The following TSPAN7 variants were observed in gnomAD, a reference collection of about 807,000 sequenced individuals.
The protein encoded by TSPAN7 is tetraspanin 7, also known as tetraspanin-7.
Under a neutral mutation model 17.6 loss-of-function variants are expected in TSPAN7, and 1 was observed. That is an observed-to-expected ratio of 0.06 (90% CI 0.02 to 0.27). TSPAN7 has a LOEUF of 0.27. TSPAN7 is among the 10% of genes least tolerant of loss of function. The probability of loss-of-function intolerance (pLI) is 1.00; values close to 1 mark genes in which losing one functional copy is unlikely to be tolerated. For missense variants in TSPAN7, 112 were observed against 201.7 expected, an observed-to-expected ratio of 0.56 and a Z score of 2.69; for synonymous variants, 78 against 79.0, an observed-to-expected ratio of 0.99 and a Z score of 0.07.
chrX:38,616,483 G>T (rs1398332309), intron 1 of TSPAN7, among the ~76,000 whole-genome samples: 1 of 112,176 alleles, frequency 8.9e-6, no homozygotes, highest in Non-Finnish European at 1.9e-5. Flanking sequence ...CCAAGGGCAA[G>T]AATACAGTCA....
intron 3 of TSPAN7, among the ~76,000 whole-genome samples, chrX:38,672,175 T>C (rs901008443): frequency 4.5e-5 from 5 of 110,668 alleles, no homozygotes; most frequent in Non-Finnish European, 9.5e-5. Context: ...TCATTGACTC[T>C]CCATAAATAA....
intron 1 of TSPAN7, among the ~76,000 whole-genome samples, chrX:38,614,204 T>A (rs761909688): frequency 1.8e-5 from 2 of 111,823 alleles, no homozygotes; most frequent in East Asian, 5.6e-4. Flanking sequence ...GAACTGTTGT[T>A]TCTTTTTTAC....
At chrX:38,674,399 A>G (rs2069840381) in intron 4 of TSPAN7, 83 bp downstream of exon 4, 2 of 863,655 alleles carry the variant, frequency 2.3e-6, no homozygotes, top group South Asian at 4.3e-5. Context: ...TTGGCCCAGT[A>G]GTTGCTATTT....
chrX:38,613,126 C>T (rs183763336), intron 1 of TSPAN7, among the ~76,000 whole-genome samples: 88 of 112,086 alleles, frequency 7.9e-4, no homozygotes, highest in South Asian at 2.6e-3. Context: ...TCCTATTTTT[C>T]GTCTCTTCGT....
At chrX:38,681,939 T>C (rs2069895065) in intron 6 of TSPAN7, among the ~76,000 whole-genome samples, 1 of 111,995 alleles carries the variant, frequency 8.9e-6, no homozygotes, top group South Asian at 3.7e-4. Flanking sequence ...AAGATTAAGC[T>C]AAATCTAAAA....
intron 1 of TSPAN7, among the ~76,000 whole-genome samples, chrX:38,564,478 T>G (rs1319846767): frequency 8.9e-6 from 1 of 112,208 alleles, no homozygotes; most frequent in Non-Finnish European, 1.9e-5. Flanking sequence ...TGTGAACATG[T>G]CTTCATTTCT....
At chrX:38,637,297 A>G (rs1262641804) in intron 1 of TSPAN7, among the ~76,000 whole-genome samples, 2 of 111,818 alleles carry the variant, frequency 1.8e-5, no homozygotes, top group Non-Finnish European at 3.8e-5. Flanking sequence ...AGTTATTCTG[A>G]TGTTGCTTTA....
intron 1 of TSPAN7, among the ~76,000 whole-genome samples, chrX:38,565,672 G>T (rs1343475112): frequency 1.8e-5 from 2 of 112,458 alleles, no homozygotes; most frequent in Non-Finnish European, 3.8e-5. Flanking sequence ...AACTTAAAAT[G>T]GTGGTAGAGC....
At chrX:38,585,502 G>A (rs1268902020) in intron 1 of TSPAN7, among the ~76,000 whole-genome samples, 6 of 111,406 alleles carry the variant, frequency 5.4e-5, no homozygotes, top group Non-Finnish European at 1.1e-4. Context: ...ACATTTTTAA[G>A]AAAATTTTTT....
intron 1 of TSPAN7, among the ~76,000 whole-genome samples, chrX:38,652,829 C>T (rs977827325): frequency 3.6e-5 from 4 of 112,061 alleles, no homozygotes; most frequent in Admixed American, 9.4e-5. Flanking sequence ...CAAGAAACCT[C>T]GCTGTGGAAA....
intron 1 of TSPAN7, among the ~76,000 whole-genome samples, chrX:38,623,526 G>A (rs1301611333): frequency 9.2e-6 from 1 of 109,086 alleles, no homozygotes. Flanking sequence ...TGGGTTCCAG[G>A]TCTCAGTCTG....
chrX:38,624,529 C>A (rs183678253), intron 1 of TSPAN7, among the ~76,000 whole-genome samples: 82 of 112,340 alleles, frequency 7.3e-4, no homozygotes, highest in African/African-American at 2.6e-3. Context: ...TGCTCAGTAA[C>A]CTTACAGGTC....
rs541780621 is a variant in TSPAN7, at chrX:38,597,557, A to G, written c.81+35930A>G. On this transcript the variant is annotated intron_variant, in intron 1 of 7. Transcript: ENST00000378482. ...GATAATGAACCAAAAATATATGTTA[A>G]GTACAGTGTCTTTAAACAAACACAT... 4.5e-5 allele frequency among the ~76,000 whole-genome samples: 5 copies of G among 111,572 alleles called. No individual in the cohort carries two copies. In the South Asian group the frequency reaches 1.9e-3, roughly 42 times the overall value.
chrX:38,564,454 T>G (rs973295613), intron 1 of TSPAN7, among the ~76,000 whole-genome samples: 1 of 112,307 alleles, frequency 8.9e-6, no homozygotes, highest in African/African-American at 3.2e-5. Flanking sequence ...TAAACATTCA[T>G]GTACAGATTT....
intron 1 of TSPAN7, among the ~76,000 whole-genome samples, chrX:38,605,336 A>T (rs1223830127): frequency 9.1e-6 from 1 of 110,409 alleles, no homozygotes; most frequent in African/African-American, 3.3e-5. Flanking sequence ...TAAAATACCT[A>T]GGAATCCAAC....
intron 1 of TSPAN7, among the ~76,000 whole-genome samples, chrX:38,584,163 C>T (rs185654445): frequency 2.4e-4 from 26 of 109,104 alleles, no homozygotes; most frequent in Admixed American, 1.5e-3. Flanking sequence ...CCGTGTTAGC[C>T]AGGATGGTCT....
At chrX:38,653,206 G>A (rs765827532) in intron 1 of TSPAN7, among the ~76,000 whole-genome samples, 4 of 111,500 alleles carry the variant, frequency 3.6e-5, no homozygotes, top group Non-Finnish European at 7.5e-5. Flanking sequence ...TAAGGAGCAC[G>A]GTACTGCTCA....
At chrX:38,643,672 C>CAAAAAAAAAA (rs34238064) in intron 1 of TSPAN7, among the ~76,000 whole-genome samples, 1 of 56,062 alleles carries the variant, frequency 1.8e-5, no homozygotes, top group Non-Finnish European at 3.2e-5. Context: ...CCGTCTCTAC[C>CAAAAAAAAAA]AAAAAAAAAA....
intron 2 of TSPAN7, among the ~76,000 whole-genome samples, chrX:38,668,669 GA>G (rs1484603439): frequency 8.9e-6 from 1 of 111,950 alleles, no homozygotes; most frequent in Non-Finnish European, 1.9e-5. Context: ...ATTGTGTATA[GA>G]CACATTGTGT....
Sources: gnomAD v4.1 joint callset for allele counts (sites outside exome capture counted in the v4.1 genomes callset) on GRCh38, gnomAD v4.1.1 for gene constraint, MANE v1.5 for transcripts, NCBI Gene and HGNC (gene_info 2026-07-23, HGNC 2026-07-21) for gene names.